FKBP9: variants seen among roughly 807,000 people sequenced by gnomAD.
FKBP9 encodes the protein FKBP prolyl isomerase 9, also known as peptidyl-prolyl cis-trans isomerase FKBP9.
In FKBP9, 27 loss-of-function variants were observed where a neutral mutation model predicts 55.6. The ratio of observed to expected loss-of-function variants is 0.49; its 90% CI spans 0.36 to 0.67. FKBP9 has a LOEUF of 0.67. FKBP9 is among the 30% of genes least tolerant of loss of function. The probability of loss-of-function intolerance (pLI) is 0.00; values close to 1 mark genes in which losing one functional copy is unlikely to be tolerated. For synonymous variants in FKBP9, 267 were observed against 296.5 expected (o/e 0.90, Z 1.02); for missense variants, 539 against 742.8 (o/e 0.73, Z 3.19).
intron 1 of FKBP9, among the ~76,000 whole-genome samples, chr7:32,971,199 G>A (rs1784246438): frequency 6.6e-6 from 1 of 152,130 alleles, no homozygotes. Context: ...GCTTGATGCT[G>A]CCCATGAGTT....
intron 3 of FKBP9, among the ~76,000 whole-genome samples, chr7:32,976,055 A>T (rs185478531): frequency 1.4e-3 from 216 of 152,334 alleles, no homozygotes; most frequent in African/African-American, 5.1e-3. Context: ...ATGGAGAGGC[A>T]TGGGGCTACA....
At chr7:32,980,056 G>A (rs1197284216) in intron 4 of FKBP9, among the ~76,000 whole-genome samples, 1 of 152,130 alleles carries the variant, frequency 6.6e-6, no homozygotes, top group African/African-American at 2.4e-5. Flanking sequence ...TATGTATTTG[G>A]GTTTGCCTGT....
chr7:32,999,496 T>A (rs1784887871), intron 7 of FKBP9, among the ~76,000 whole-genome samples: 1 of 151,300 alleles, frequency 6.6e-6, no homozygotes, highest in South Asian at 2.1e-4. Context: ...TTTTTTAGTC[T>A]TAGACTGCTA....
intron 5 of FKBP9, among the ~76,000 whole-genome samples, chr7:32,987,494 CCAA>C (rs1562570918): frequency 3.1e-3 from 8 of 2,586 alleles, no homozygotes; most frequent in Admixed American, 7.9e-3. Flanking sequence ...GACCCTGTCT[CCAA>C]AAAAAAAAAA....
chr7:32,987,517 G>T (rs187831507), intron 5 of FKBP9, among the ~76,000 whole-genome samples: 1 of 151,398 alleles, frequency 6.6e-6, no homozygotes, highest in Non-Finnish European at 1.5e-5. Flanking sequence ...AAATTAAAAA[G>T]TAATTAGAAA....
intron 1 of FKBP9, among the ~76,000 whole-genome samples, chr7:32,969,385 T>G (rs1476049402): frequency 6.6e-6 from 1 of 152,044 alleles, no homozygotes; most frequent in Non-Finnish European, 1.5e-5. Flanking sequence ...TTAATCCATT[T>G]TGAATTGATT....
chr7:32,986,245 A>C (rs1784573125), intron 5 of FKBP9, among the ~76,000 whole-genome samples: 1 of 152,074 alleles, frequency 6.6e-6, no homozygotes, highest in East Asian at 1.9e-4. Context: ...GGTGTCTGCT[A>C]TCTCCCCTCT....
In FKBP9 at chr7:32,988,605, G is replaced by A. The variant is rs770278279; in HGVS notation, c.992G>A (p.Arg331Gln). 20 of 1,613,878 alleles carry A rather than the reference G, an allele frequency of 1.2e-5. No homozygotes were observed. Among genetic ancestry groups the A allele is most frequent in the Admixed American group, 3.3e-5 (2 of 59,992 alleles). ...GLLGVCIGEK[R>Q]RIVVPPHLGY... ...CTTGGTGTTTGCATTGGAGAAAAGCGAAGGATTGTGGTCCCGCCTCACCTG... is the reference window on the plus strand; with the variant it reads ...CTTGGTGTTTGCATTGGAGAAAAGCAAAGGATTGTGGTCCCGCCTCACCTG... The change falls in exon 6 of 10, where the codon CGA becomes CAA. Residue 331 changes from arginine (R) to glutamine (Q), a missense_variant. Coordinates refer to ENST00000242209, the MANE Select transcript of FKBP9 (RefSeq NM_007270.5).
In FKBP9 at chr7:32,963,750, C is replaced by G. The variant is rs188124214; in HGVS notation, c.221+5956C>G. ...GGGGTTGCAAACGGGGCTTCATTCT[C>G]TCCCACTAGAAAAAGAGTGCTCCAA... On this transcript the variant is annotated intron_variant, in intron 1 of 9. Transcript: ENST00000242209. 1,228 of 1,284,730 alleles carry G rather than the reference C, an allele frequency of 9.6e-4. 11 individuals carry two copies. The African/African-American group carries it at 0.016, about 17-fold the overall frequency. The allele number at this position is 1,284,730 out of a possible 1,614,324, so 79.6% of individuals were successfully genotyped here. A position where few individuals can be genotyped will look rare whatever the true frequency, so the allele number is the denominator to read the frequency against.
intron 4 of FKBP9, among the ~76,000 whole-genome samples, chr7:32,977,767 C>T (rs1373805613): frequency 2.1e-5 from 3 of 139,984 alleles, no homozygotes; most frequent in East Asian, 2.1e-4. Flanking sequence ...GGGGCTCAGC[C>T]TTCTCTCCTT....
At chr7:32,964,503 G>A (rs867799059) in intron 1 of FKBP9, among the ~76,000 whole-genome samples, 55 of 152,138 alleles carry the variant, frequency 3.6e-4, no homozygotes, top group African/African-American at 1.3e-3. Flanking sequence ...GCCCATCCAA[G>A]CCAACAGCTC....
At chr7:33,004,139 T>C (rs1784985383) in intron 9 of FKBP9, among the ~76,000 whole-genome samples, 1 of 152,120 alleles carries the variant, frequency 6.6e-6, no homozygotes, top group Admixed American at 6.5e-5. Context: ...AGCTCTACCT[T>C]GAGAGCACAC....
intron 1 of FKBP9, among the ~76,000 whole-genome samples, chr7:32,973,580 AGTGTGT>A (rs10566069): frequency 2.1e-5 from 3 of 144,078 alleles, no homozygotes; most frequent in African/African-American, 8.0e-5. Context: ...AAAAAAATCA[AGTGTGT>A]GTGTGTGTGT....
At chr7:32,993,134 T>G (rs1326338387) in intron 6 of FKBP9, 10 of 232,546 alleles carry the variant, frequency 4.3e-5, no homozygotes, top group Non-Finnish European at 6.8e-5. Flanking sequence ...GAATGCATCT[T>G]GGAGGGGAGA....
intron 1 of FKBP9, among the ~76,000 whole-genome samples, chr7:32,967,829 A>G (rs1389275788): frequency 6.6e-6 from 1 of 152,198 alleles, no homozygotes; most frequent in Non-Finnish European, 1.5e-5. Flanking sequence ...ATCTCAGCTC[A>G]TCGCAACCTC....
chr7:33,000,114 G>A lies in FKBP9; in HGVS notation c.1227-1G>A, dbSNP rs1055076709. On this transcript the variant is annotated splice_acceptor_variant, in intron 7 of 9. Coordinates refer to ENST00000242209, the MANE Select transcript of FKBP9 (RefSeq NM_007270.5). LOFTEE classifies it high-confidence loss of function. ...CATGAGGCTCTTCTGTTTCATTTTA[G>A]GTGGAATTTAGGCAAAACTTACAAT... 6.2e-7 allele frequency: 1 copy of A among 1,614,026 alleles called. No homozygotes were observed. The highest frequency in any genetic ancestry group is 8.5e-7 in the Non-Finnish European group (1 of 1,180,026).
intron 5 of FKBP9, among the ~76,000 whole-genome samples, chr7:32,985,926 G>C (rs1230764481): frequency 6.6e-6 from 1 of 152,180 alleles, no homozygotes; most frequent in Non-Finnish European, 1.5e-5. Context: ...CCAGGAGACA[G>C]AGGTTGCAGT....
intron 9 of FKBP9, among the ~76,000 whole-genome samples, chr7:33,003,725 T>G (rs1784975069): frequency 6.6e-6 from 1 of 152,174 alleles, no homozygotes; most frequent in African/African-American, 2.4e-5. Context: ...CTTCATGGTG[T>G]TCCTTCTACC....
At position 32,974,234 on chromosome 7, in the gene FKBP9, G is replaced by A. The variant is rs376336034; in HGVS notation, c.222-383G>A. Among the ~76,000 whole-genome samples the A allele has an allele frequency of 2.6e-5, 4 of 151,898 alleles. No individual in the cohort carries two copies. The East Asian group carries it at 5.8e-4, about 22-fold the overall frequency. Reference sequence around the variant, plus strand: ...TCACTTTGTTGCCCCGGCTGGTCTCGAACTCCTAACTTCAACTTAACTCCT... The same window carrying A: ...TCACTTTGTTGCCCCGGCTGGTCTCAAACTCCTAACTTCAACTTAACTCCT... On this transcript the variant is annotated intron_variant, in intron 1 of 9. Transcript: ENST00000242209.
Sources: allele counts gnomAD v4.1 joint callset (sites outside exome capture counted in the v4.1 genomes callset), GRCh38; gene constraint gnomAD v4.1.1; transcripts MANE v1.5; gene names NCBI Gene and HGNC (gene_info 2026-07-23, HGNC 2026-07-21).